PANK1: variants seen among roughly 807,000 people sequenced by gnomAD.
PANK1 encodes pantothenic acid kinase 1.
PANK1 carries 18 observed loss-of-function variants against 40.1 expected under a neutral mutation model. The observed-to-expected ratio is 0.45, with a 90% CI of 0.31 to 0.67. The LOEUF (loss-of-function observed/expected upper bound fraction) is 0.67, where lower values mean the gene tolerates loss of function less well. Ranked by LOEUF, PANK1 falls within the 30% of genes least tolerant of loss-of-function variation. The pLI, the probability that PANK1 is intolerant of heterozygous loss-of-function variation, is 0.06. For missense variants in PANK1, 457 were observed against 599.6 expected, an observed-to-expected ratio of 0.76 and a Z score of 2.48; for synonymous variants, 242 against 237.7, an observed-to-expected ratio of 1.02 and a Z score of -0.17.
At chr10:89,631,977 T>TGTGTGTGTG (rs769932277) in intron 1 of PANK1, among the ~76,000 whole-genome samples, 940 of 16,300 alleles carry the variant, frequency 0.058, 6 homozygotes, top group South Asian at 0.22. Context: ...TGTGTGTGTG[T>TGTGTGTGTG]TTTTTTTTTT....
In PANK1 at chr10:89,586,163, T is replaced by C. The variant is rs1352545676; in HGVS notation, c.1327-1698A>G. On this transcript the variant is annotated intron_variant, in intron 6 of 6. Transcript: ENST00000307534. Reference sequence around the variant, plus strand: ...CTGACAGTTTCCAGGCTTTGTTGTCTGCATTAGGCCAAGAAGATCTGGACT... The same window carrying C: ...CTGACAGTTTCCAGGCTTTGTTGTCCGCATTAGGCCAAGAAGATCTGGACT... Among the ~76,000 whole-genome samples, 3 of 152,342 alleles carry C rather than the reference T, an allele frequency of 2.0e-5. No individual in the cohort carries two copies. The East Asian group carries it at 5.8e-4, about 29-fold the overall frequency.
chr10:89,614,929 G>GAGGAAGGAAGGAAGA (rs1264462698), intron 1 of PANK1, among the ~76,000 whole-genome samples: 1 of 152,128 alleles, frequency 6.6e-6, no homozygotes, highest in Non-Finnish European at 1.5e-5. Flanking sequence ...GAGAGGAAGG[G>GAGGAAGGAAGGAAGA]AGGAAGGAAG....
intron 6 of PANK1, among the ~76,000 whole-genome samples, chr10:89,585,341 C>A (rs113146134): frequency 4.6e-5 from 7 of 152,328 alleles, no homozygotes; most frequent in African/African-American, 1.7e-4. Context: ...AGGATTTCAA[C>A]ATAGACATTT....
chr10:89,587,975 C>T (rs947730186), intron 6 of PANK1, among the ~76,000 whole-genome samples: 21 of 152,214 alleles, frequency 1.4e-4, no homozygotes, highest in Admixed American at 1.3e-3. Flanking sequence ...AATGTATGTT[C>T]CCATTTCCTC....
intron 2 of PANK1, among the ~76,000 whole-genome samples, chr10:89,599,722 A>C (rs1364298036): frequency 2.0e-5 from 3 of 152,148 alleles, no homozygotes; most frequent in Non-Finnish European, 2.9e-5. Context: ...AAAGGACAAG[A>C]GCTTGCCTGA....
chr10:89,592,385 G>T (rs558734257), intron 5 of PANK1, among the ~76,000 whole-genome samples: 1 of 152,270 alleles, frequency 6.6e-6, no homozygotes, highest in South Asian at 2.1e-4. Context: ...CTTGATCTGG[G>T]TGATGGCTAT....
intron 4 of PANK1, 86 bp from the exon 5 acceptor site, chr10:89,593,406 G>A (rs1053371309): frequency 6.9e-6 from 10 of 1,447,118 alleles, no homozygotes; most frequent in African/African-American, 2.8e-5. Flanking sequence ...AAGGCTCTAC[G>A]AGTAACTGTT....
Position 89,599,491 on chromosome 10 carries a change from C to T in PANK1, c.660G>A (p.Gln220=), listed in dbSNP as rs1844710734. Residue 220 remains glutamine, a synonymous_variant, in exon 3 of 7, where the codon CAG becomes CAA. Coordinates refer to ENST00000307534, the MANE Select transcript of PANK1 (RefSeq NM_148977.3). The stretch of plus-strand genomic sequence containing the variant: ...AGTCCAGTTCATCCAGTTTATGCAG[C>T]TGCAGGTCAGCAATCTAAAACAAAA... ...EEDFRMIADL[Q]LHKLDELDCL... is the part of the protein sequence containing the mutation. 1.2e-6 allele frequency: 2 copies of T among 1,613,140 alleles called. No individual in the cohort carries two copies. The highest frequency in any genetic ancestry group is 8.5e-7 in the Non-Finnish European group (1 of 1,179,446).
At chr10:89,644,279 C>T (rs1296494786) in intron 1 of PANK1, among the ~76,000 whole-genome samples, 3 of 152,196 alleles carry the variant, frequency 2.0e-5, no homozygotes, top group Admixed American at 1.3e-4. Flanking sequence ...CACACACCTG[C>T]GTTTTCCCAG....
At chr10:89,611,597 A>G (rs960897767) in intron 2 of PANK1, 99 bp downstream of exon 2, 10 of 842,624 alleles carry the variant, frequency 1.2e-5, no homozygotes, top group African/African-American at 1.7e-5. Context: ...AAGCTTGTCC[A>G]GAGTCCCAAG....
chr10:89,606,178 G>C (rs1306403265), intron 2 of PANK1, among the ~76,000 whole-genome samples: 4 of 152,174 alleles, frequency 2.6e-5, no homozygotes, highest in African/African-American at 4.8e-5. Flanking sequence ...ACGATTTTCA[G>C]AATGGTCCAT....
intron 1 of PANK1, among the ~76,000 whole-genome samples, chr10:89,621,927 T>C (rs1177026364): frequency 6.6e-6 from 1 of 152,230 alleles, no homozygotes; most frequent in African/African-American, 2.4e-5. Context: ...TTGGCCAGAC[T>C]GGTCTTGAAC....
At chr10:89,614,237 T>C (rs6586203) in intron 1 of PANK1, among the ~76,000 whole-genome samples, 47,993 of 152,094 alleles carry the variant, frequency 0.32, 7,704 homozygotes, top group Non-Finnish European at 0.35. Context: ...TTTTGGAACA[T>C]TGCTGGGAAA....
Position 89,594,005 on chromosome 10 carries a change from G to C in PANK1, c.900-16C>G. On this transcript the variant is annotated splice_polypyrimidine_tract_variant and intron_variant, in intron 3 of 6. Transcript: ENST00000307534. ...ACCTCCAAGACTGAAGGAATAATAA[G>C]GTTTATTTTTAAATTTTACTTTAAG... 1.9e-6 allele frequency: 3 copies of C among 1,589,794 alleles called. No individual in the cohort carries two copies. Among genetic ancestry groups the C allele is most frequent in the Non-Finnish European group, 2.6e-6 (3 of 1,159,538 alleles).
chr10:89,601,887 T>A (rs1458366120), intron 2 of PANK1, among the ~76,000 whole-genome samples: 1 of 152,216 alleles, frequency 6.6e-6, no homozygotes, highest in East Asian at 1.9e-4. Flanking sequence ...TTTCCTCTGT[T>A]CTCCCTGATT....
At position 89,608,031 on chromosome 10, in the gene PANK1, T is replaced by A. The variant is rs1390320547; in HGVS notation, c.645+3665A>T. On this transcript the variant is annotated intron_variant, in intron 2 of 6. Transcript: ENST00000307534. ...TTTGGTTATGACAATGATCCTAAAC[T>A]TTTTTTTTTTTTTTTTTTGAGGTGG... Among the ~76,000 whole-genome samples the A allele has an allele frequency of 5.3e-3, 358 of 67,380 alleles. 4 individuals are homozygous for A. The highest frequency in any genetic ancestry group is 0.033 in the East Asian group (11 of 338). The allele number at this position is 67,380 out of a possible 152,430, so 44.2% of individuals were successfully genotyped here.
Position 89,588,718 on chromosome 10 carries a change from C to T in PANK1, c.1260G>A (p.Lys420=). The T allele has an allele frequency of 5.0e-6, 8 of 1,606,922 alleles. No homozygotes were observed. Among genetic ancestry groups the T allele is most frequent in the Non-Finnish European group, 6.8e-6 (8 of 1,175,816 alleles). ...NFLRINMVSM[K]LLAYAMDFWS... is the part of the protein sequence containing the mutation. ...AAAAATCCATGGCATATGCCAGCAG[C>T]TTCATGGAGACCATATTGATTCTGA... Residue 420 remains lysine, a synonymous_variant, in exon 6 of 7, where the codon AAG becomes AAA. Transcript: ENST00000307534.
chr10:89,629,375 G>C (rs187666314), intron 1 of PANK1, among the ~76,000 whole-genome samples: 1 of 152,186 alleles, frequency 6.6e-6, no homozygotes, highest in Non-Finnish European at 1.5e-5. Flanking sequence ...GGCACAGCTA[G>C]ATGTAATATC....
intron 6 of PANK1, among the ~76,000 whole-genome samples, chr10:89,586,033 C>T (rs7477497): frequency 0.074 from 11,276 of 152,200 alleles, 517 homozygotes; most frequent in South Asian, 0.12. Context: ...GTGATATAGG[C>T]GACTACATTT....
Sources: gnomAD v4.1 joint callset for allele counts (sites outside exome capture counted in the v4.1 genomes callset) on GRCh38, gnomAD v4.1.1 for gene constraint, MANE v1.5 for transcripts, NCBI Gene and HGNC (gene_info 2026-07-23, HGNC 2026-07-21) for gene names.